SIGLEC15: variants seen among roughly 807,000 people sequenced by gnomAD.
SIGLEC15 encodes the protein sialic acid binding Ig like lectin 15.
Under a neutral mutation model 26.2 loss-of-function variants are expected in SIGLEC15, and 31 were observed. The observed-to-expected ratio is 1.18, with a 90% CI of 0.89 to 1.60. The LOEUF is 1.60. SIGLEC15 is among the 40% of genes most tolerant of loss of function. The pLI, the probability that SIGLEC15 is intolerant of heterozygous loss-of-function variation, is 0.00. For synonymous variants in SIGLEC15, 207 were observed against 221.9 expected, an observed-to-expected ratio of 0.93 and a Z score of 0.60; for missense variants, 501 against 488.4, an observed-to-expected ratio of 1.03 and a Z score of -0.24.
intron 1 of SIGLEC15, among the ~76,000 whole-genome samples, chr18:45,827,483 G>A (rs1268375562): frequency 2.0e-5 from 3 of 152,230 alleles, no homozygotes; most frequent in Non-Finnish European, 4.4e-5. Context: ...ACAGTGGCCA[G>A]ACCCAAGTGG....
chr18:45,836,377 C>G (rs2048276015), intron 1 of SIGLEC15, among the ~76,000 whole-genome samples: 1 of 152,192 alleles, frequency 6.6e-6, no homozygotes, highest in South Asian at 2.1e-4. Context: ...ATTATTTCCT[C>G]TAAAGATCCT....
rs372259275 is a variant in SIGLEC15 at position 45,828,491 on chromosome 18, G to T, written c.52+2711G>T. ...ACTGGTCTGGGAGCTCCAACCACCC[G>T]AGTGACCTTGGACAAGGCCTCAGGT... On this transcript the variant is annotated intron_variant, in intron 1 of 5. Coordinates refer to ENST00000389474, the MANE Select transcript of SIGLEC15 (RefSeq NM_213602.3). Among the ~76,000 whole-genome samples the T allele has an allele frequency of 1.1e-4, 16 of 152,260 alleles. No individual in the cohort carries two copies. In the East Asian group the frequency reaches 2.9e-3, roughly 28 times the overall value.
rs536100309 is a variant in SIGLEC15, at chr18:45,825,813, C to G, written c.52+33C>G. On this transcript the variant is annotated intron_variant, in intron 1 of 5. Transcript: ENST00000389474. The stretch of plus-strand genomic sequence containing the variant: ...TCTGCTACTCTCTCTGGCCCATGCT[C>G]GGGACAGAATAGATGCTGAAAGCAT... 6 of 1,613,012 alleles carry G rather than the reference C, an allele frequency of 3.7e-6. No homozygotes were observed. The Admixed American group carries it at 8.3e-5, about 22-fold the overall frequency.
chr18:45,837,664 G>T lies in SIGLEC15; in HGVS notation c.264G>T (p.Ala88=). 1 of 1,496,720 alleles carries T rather than the reference G, an allele frequency of 6.7e-7. No individual in the cohort carries two copies. The highest frequency in any genetic ancestry group is 8.8e-7 in the Non-Finnish European group (1 of 1,131,390). The allele number at this position is 1,496,720 out of a possible 1,614,324, so 92.7% of individuals were successfully genotyped here. A position where few individuals can be genotyped will look rare whatever the true frequency, so the allele number is the denominator to read the frequency against. Residue 88 remains alanine (A), a synonymous_variant, in exon 3 of 6, where the codon GCG becomes GCT. Coordinates refer to ENST00000389474, the MANE Select transcript of SIGLEC15 (RefSeq NM_213602.3). The part of the protein sequence containing the change: ...TAIWRAGEPY[A]GPQVFRCAAA... The stretch of plus-strand genomic sequence containing the variant: ...TCTGGCGCGCGGGCGAGCCCTATGC[G>T]GGCCCGCAGGTGTTCCGCTGCGCTG...
At chr18:45,832,018 C>T (rs1323111139) in intron 1 of SIGLEC15, among the ~76,000 whole-genome samples, 1 of 152,212 alleles carries the variant, frequency 6.6e-6, no homozygotes, top group African/African-American at 2.4e-5. Context: ...AGGCGTGAGC[C>T]GCCACGCCCG....
At chr18:45,829,139 C>G (rs927377062) in intron 1 of SIGLEC15, 44 of 985,378 alleles carry the variant, frequency 4.5e-5, no homozygotes, top group Non-Finnish European at 5.2e-5. Flanking sequence ...GGGCACAGGC[C>G]CCACAGCAGG....
rs778132336 is a variant in SIGLEC15 at position 45,825,750 on chromosome 18, C to T, written c.22C>T (p.Leu8=). The T allele has an allele frequency of 5.0e-6, 8 of 1,614,120 alleles. No homozygotes were observed. Among genetic ancestry groups the T allele is most frequent in the South Asian group, 1.1e-5 (1 of 91,092 alleles). MEKSIWL[L]ACLAWVLPTG... is the part of the protein sequence containing the mutation. ...CAGCATGGAAAAGTCCATCTGGCTG[C>T]TGGCCTGCTTGGCGTGGGTTCTCCC... The change falls in exon 1 of 6, where the codon CTG becomes TTG. Residue 8 remains leucine, a synonymous_variant. Transcript: ENST00000389474.
At chr18:45,833,158 A>T (rs1226108201) in intron 1 of SIGLEC15, among the ~76,000 whole-genome samples, 1 of 152,046 alleles carries the variant, frequency 6.6e-6, no homozygotes, top group Non-Finnish European at 1.5e-5. Context: ...TAAAGGTAAA[A>T]ATCCTTTGAA....
At chr18:45,840,280 C>A (rs2048314444) in intron 5 of SIGLEC15, 39 bp downstream of exon 5, 7 of 1,591,840 alleles carry the variant, frequency 4.4e-6, no homozygotes, top group Non-Finnish European at 6.0e-6. Flanking sequence ...CCTACCCCAC[C>A]CACCTAGTCC....
intron 1 of SIGLEC15, among the ~76,000 whole-genome samples, chr18:45,833,796 G>A (rs1015192582): frequency 1.3e-5 from 2 of 152,148 alleles, no homozygotes; most frequent in African/African-American, 4.8e-5. Context: ...ATATAGGACC[G>A]AATATGAGGG....
Position 45,842,442 on chromosome 18 carries a change from T to TGTGTGTGTGAGA in SIGLEC15, c.*256_*257insTGTGTGTGAGAG. On this transcript the variant is annotated 3_prime_UTR_variant, in exon 6 of 6. Coordinates refer to ENST00000389474, the MANE Select transcript of SIGLEC15 (RefSeq NM_213602.3). ...ATACGTCTGTGTGTGTGTGTGTGTG[T>TGTGTGTGTGAGA]GAGAGAGAGAGAGAGAGAGTACACG... 1 of 344,430 alleles carries TGTGTGTGTGAGA rather than the reference T, an allele frequency of 2.9e-6. No individual in the cohort carries two copies. 21.3% of individuals were successfully genotyped at this position (344,430 alleles called of 1,614,324 possible).
chr18:45,829,221 G>A, intron 1 of SIGLEC15: 1 of 916,936 alleles, frequency 1.1e-6, no homozygotes, highest in Non-Finnish European at 1.3e-6. Flanking sequence ...TCAGCCTGCG[G>A]CAGAGGCATG....
intron 2 of SIGLEC15, among the ~76,000 whole-genome samples, 198 bp from the exon 3 acceptor site, chr18:45,837,315 G>C (rs1458568516): frequency 6.6e-6 from 1 of 152,246 alleles, no homozygotes; most frequent in Non-Finnish European, 1.5e-5. Flanking sequence ...GGCCCTGGGG[G>C]TGCAGGCACC....
rs1180586810 is a variant in SIGLEC15 at position 45,842,974 on chromosome 18, CT to C, written c.*788del. ...GCCTGGGGCCTTTACCCCATGCCCC[CT>C]GGGATCTCCACTGTGACTGTCCCAC... is the stretch of plus-strand genomic sequence containing the variant. On this transcript the variant is annotated 3_prime_UTR_variant, in exon 6 of 6. Transcript: ENST00000389474. 1 of 152,384 alleles carries C rather than the reference CT, an allele frequency of 6.6e-6. No homozygotes were observed. Among genetic ancestry groups the C allele is most frequent in the Admixed American group, 6.5e-5 (1 of 15,294 alleles). 9.4% of individuals were successfully genotyped at this position (152,384 alleles called of 1,614,324 possible).
At chr18:45,839,132 C>T in intron 4 of SIGLEC15, 37 bp downstream of exon 4, 1 of 1,355,814 alleles carries the variant, frequency 7.4e-7, no homozygotes, top group East Asian at 3.1e-5. Context: ...CGCGAGGGGC[C>T]GGGCCGGGGC....
At chr18:45,837,396 G>C (rs2048284036) in intron 2 of SIGLEC15, 117 bp from the exon 3 acceptor site, 2 of 1,351,536 alleles carry the variant, frequency 1.5e-6, no homozygotes, top group African/African-American at 3.0e-5. Context: ...CCTGAGTCCT[G>C]GGGTTTCCAG....
rs2919643 is a variant in SIGLEC15, at chr18:45,839,038, T to C, written c.817T>C (p.Phe273Leu). The part of the protein sequence containing the change: ...TVALLLGALG[F>L]KALLLLGVLA... ...CGCCCTCCTGCTCGGCGCTCTCGGC[T>C]TCAAGGCGCTGCTGCTGCTCGGGGT... Residue 273 changes from phenylalanine (F) to leucine (L), a missense_variant, in exon 4 of 6, where the codon TTC becomes CTC. Phe to Leu is a conservative substitution (Grantham distance 22). Transcript: ENST00000389474. 0.19 allele frequency: 291,760 copies of C among 1,556,420 alleles called. 37,520 individuals are homozygous for C. Among genetic ancestry groups the C allele is most frequent in the African/African-American group, 0.54 (38,375 of 70,850 alleles).
Position 45,840,215 on chromosome 18 carries a change from T to A in SIGLEC15, c.879T>A (p.His293Gln), listed in dbSNP as rs753415708. ...AARAARRRPEHLDTPDTPPRS... is the reference protein window; with the variant it reads ...AARAARRRPEQLDTPDTPPRS... ...CTCTTGCTGTCCCTCCCACAGAGCA[T>A]CTGGACACCCCGGACACCCCACCAC... The change falls in exon 5 of 6, where the codon CAT becomes CAA. Residue 293 changes from histidine (H) to glutamine (Q), a missense_variant. Physicochemically the swap from His to Gln is conservative, Grantham distance 24 (BLOSUM62 0). Coordinates refer to ENST00000389474, the MANE Select transcript of SIGLEC15 (RefSeq NM_213602.3). The A allele has an allele frequency of 6.2e-7, 1 of 1,613,094 alleles. No individual in the cohort carries two copies. The highest frequency in any genetic ancestry group is 2.2e-5 in the East Asian group (1 of 44,784).
intron 1 of SIGLEC15, among the ~76,000 whole-genome samples, chr18:45,830,647 A>G (rs1472018867): frequency 3.2e-5 from 4 of 124,946 alleles, no homozygotes; most frequent in Admixed American, 1.1e-4. Flanking sequence ...GTGCAGTGGC[A>G]CCATCTCAGC....
Sources: allele counts gnomAD v4.1 joint callset (sites outside exome capture counted in the v4.1 genomes callset), GRCh38; gene constraint gnomAD v4.1.1; transcripts MANE v1.5; gene names NCBI Gene and HGNC (gene_info 2026-07-23, HGNC 2026-07-21).